SLC29A3: variants seen among roughly 807,000 people sequenced by gnomAD.
SLC29A3 encodes solute carrier family 29 member 3, also known as equilibrative nucleoside transporter 3.
A neutral mutation model predicts 25.4 loss-of-function variants in SLC29A3; 18 were observed. That is an observed-to-expected ratio of 0.71 (90% CI 0.49 to 1.05). The LOEUF is 1.05. Ranked by LOEUF, SLC29A3 falls within the 50% of genes least tolerant of loss-of-function variation. The pLI, the probability that SLC29A3 is intolerant of heterozygous loss-of-function variation, is 0.00. For synonymous variants in SLC29A3, 258 were observed against 267.1 expected, an observed-to-expected ratio of 0.97 and a Z score of 0.33; for missense variants, 586 against 609.0, an observed-to-expected ratio of 0.96 and a Z score of 0.40.
intron 2 of SLC29A3, among the ~76,000 whole-genome samples, chr10:71,334,474 A>G (rs1846194480): frequency 6.6e-6 from 1 of 152,082 alleles, no homozygotes; most frequent in Non-Finnish European, 1.5e-5. Context: ...TCTTCATATC[A>G]CTGACCACTG....
intron 4 of SLC29A3, among the ~76,000 whole-genome samples, chr10:71,353,375 C>T (rs1289830590): frequency 6.6e-6 from 1 of 152,210 alleles, no homozygotes; most frequent in African/African-American, 2.4e-5. Flanking sequence ...TTAATTCCTT[C>T]TGTCACCGCC....
chr10:71,326,206 C>A, intron 2 of SLC29A3, among the ~76,000 whole-genome samples: 1 of 152,154 alleles, frequency 6.6e-6, no homozygotes, highest in East Asian at 1.9e-4. Context: ...AGGCATGAGC[C>A]ACCACACCCG....
At chr10:71,321,510 G>C (rs1470232200) in intron 1 of SLC29A3, among the ~76,000 whole-genome samples, 2 of 152,200 alleles carry the variant, frequency 1.3e-5, no homozygotes, top group Non-Finnish European at 2.9e-5. Context: ...CCACATCCTA[G>C]GTGCTATGTA....
intron 5 of SLC29A3, among the ~76,000 whole-genome samples, chr10:71,361,544 C>T (rs1309783972): frequency 6.6e-6 from 1 of 152,184 alleles, no homozygotes; most frequent in South Asian, 2.1e-4. Flanking sequence ...AATACTATAT[C>T]ATTTATTTTC....
In SLC29A3 at chr10:71,362,203, GACC is replaced by G. The variant is rs748800802; in HGVS notation, c.1028_1030del (p.Thr343del). 6.8e-6 allele frequency: 11 copies of G among 1,614,086 alleles called. No individual in the cohort carries two copies. Among genetic ancestry groups the G allele is most frequent in the Non-Finnish European group, 9.3e-6 (11 of 1,180,018 alleles). On this transcript the variant is annotated inframe_deletion, in exon 6 of 6. Coordinates refer to ENST00000373189, the MANE Select transcript of SLC29A3 (RefSeq NM_018344.6). ...TCAACAAGGGTTCGGGCTCACTGTG[GACC>G]ACCAAGTTTTTCATCCCCCTCACTA...
In SLC29A3 at chr10:71,356,061, G is replaced by A. The variant is rs751652482; in HGVS notation, c.611-20G>A. On this transcript the variant is annotated intron_variant, in intron 4 of 5. Transcript: ENST00000373189. ...CTCGCCCACCCCTCACCATCTCTGC[G>A]TGTCCTCTGTTCTCTGCAGGAGGAG... 21 of 1,612,982 alleles carry A rather than the reference G, an allele frequency of 1.3e-5. No individual in the cohort carries two copies. The highest frequency in any genetic ancestry group is 2.7e-5 in the African/African-American group (2 of 74,926).
At chr10:71,363,802 C>T (rs60515722), downstream of SLC29A3, among the ~76,000 whole-genome samples, 76 of 13,168 alleles carry the variant, frequency 5.8e-3, no homozygotes, top group Non-Finnish European at 0.011. Context: ...TCTTTTTTTC[C>T]TTTTTCTTTT....
chr10:71,322,604 A>G (rs1260763203), intron 1 of SLC29A3, 152 bp from the exon 2 acceptor site: 10 of 897,354 alleles, frequency 1.1e-5, no homozygotes, highest in Non-Finnish European at 1.4e-5. Context: ...CCTGATCCTT[A>G]AAATGAAGCT....
In SLC29A3 at chr10:71,363,016, T is replaced by A. The variant is rs1300526788; in HGVS notation, c.*408T>A. ...GCGCTCATTCCAGCTGACAGCGAGA[T>A]GCAAGCAAATGCTCAGCTCTCCTTA... On this transcript the variant is annotated 3_prime_UTR_variant, in exon 6 of 6. Coordinates refer to ENST00000373189, the MANE Select transcript of SLC29A3 (RefSeq NM_018344.6). 6.5e-6 allele frequency: 3 copies of A among 461,164 alleles called. No individual in the cohort carries two copies. Among genetic ancestry groups the A allele is most frequent in the Non-Finnish European group, 1.3e-5 (3 of 231,842 alleles). 28.6% of individuals were successfully genotyped at this position (461,164 alleles called of 1,614,324 possible). A position where few individuals can be genotyped will look rare whatever the true frequency, so the allele number is the denominator to read the frequency against.
chr10:71,338,693 G>T (rs1846316483), intron 2 of SLC29A3, among the ~76,000 whole-genome samples: 1 of 152,078 alleles, frequency 6.6e-6, no homozygotes, highest in South Asian at 2.1e-4. Context: ...GGAGGCGGAG[G>T]TTGCAGTCAG....
chr10:71,338,566 T>C (rs1318873412), intron 2 of SLC29A3, among the ~76,000 whole-genome samples: 1 of 152,132 alleles, frequency 6.6e-6, no homozygotes, highest in Non-Finnish European at 1.5e-5. Flanking sequence ...AAGACCATCC[T>C]GGCTAACATG....
At chr10:71,344,052 G>A (rs751001381) in intron 2 of SLC29A3, among the ~76,000 whole-genome samples, 157 bp from the exon 3 acceptor site, 1 of 152,172 alleles carries the variant, frequency 6.6e-6, no homozygotes, top group Non-Finnish European at 1.5e-5. Context: ...TGGAGATGGG[G>A]TGGGGCCTTG....
intron 2 of SLC29A3, among the ~76,000 whole-genome samples, chr10:71,326,436 C>T (rs1204650257): frequency 1.3e-5 from 2 of 152,224 alleles, no homozygotes; most frequent in Admixed American, 6.5e-5. Context: ...TTTCCACAGG[C>T]GCAGGCTTAG....
intron 2 of SLC29A3, among the ~76,000 whole-genome samples, chr10:71,332,102 C>T (rs1027650862): frequency 5.3e-5 from 8 of 151,738 alleles, no homozygotes; most frequent in Non-Finnish European, 1.2e-4. Context: ...CTTTGCAATC[C>T]TCTTTTATTC....
At chr10:71,358,791 C>G (rs2131847515) in intron 5 of SLC29A3, among the ~76,000 whole-genome samples, 1 of 152,332 alleles carries the variant, frequency 6.6e-6, no homozygotes, top group South Asian at 2.1e-4. Context: ...TTCAGGCAAA[C>G]CAGGATGGTT....
intron 3 of SLC29A3, among the ~76,000 whole-genome samples, chr10:71,345,373 C>T (rs149261923): frequency 2.1e-3 from 321 of 152,326 alleles, no homozygotes; most frequent in Non-Finnish European, 3.7e-3. Flanking sequence ...TCTCTCTTCT[C>T]TCTTTGTAGT....
downstream of SLC29A3, among the ~76,000 whole-genome samples, chr10:71,368,176 G>A (rs1847184969): frequency 6.6e-6 from 1 of 152,130 alleles, no homozygotes; most frequent in African/African-American, 2.4e-5. Flanking sequence ...GTTACAGTGA[G>A]CTAGAATTGC....
At chr10:71,379,265 G>A (rs1245396798) in intron 4 of SLC29A3, among the ~76,000 whole-genome samples, 1 of 152,224 alleles carries the variant, frequency 6.6e-6, no homozygotes, top group African/African-American at 2.4e-5. Flanking sequence ...AATGAAAATT[G>A]TAGGAGGCCA....
At chr10:71,332,294 C>T (rs867655006) in intron 2 of SLC29A3, among the ~76,000 whole-genome samples, 9 of 151,710 alleles carry the variant, frequency 5.9e-5, no homozygotes, top group East Asian at 1.9e-4. Context: ...GGATTACAGG[C>T]GCCCGCCACC....
Sources: allele counts gnomAD v4.1 joint callset (sites outside exome capture counted in the v4.1 genomes callset), GRCh38; gene constraint gnomAD v4.1.1; transcripts MANE v1.5; gene names NCBI Gene and HGNC (gene_info 2026-07-23, HGNC 2026-07-21).